Variants in EIF2B1 observed in about 807,000 individuals in gnomAD.
EIF2B1 encodes the protein eukaryotic translation initiation factor 2B subunit alpha, also known as translation initiation factor eIF2B subunit alpha.
Under a neutral mutation model 36.8 loss-of-function variants are expected in EIF2B1, and 30 were observed. That is an observed-to-expected ratio of 0.81 (90% CI 0.61 to 1.10). EIF2B1 has a LOEUF of 1.10. EIF2B1 is among the 50% of genes least tolerant of loss of function. The pLI is 0.00. For synonymous variants in EIF2B1, 139 were observed against 142.2 expected (o/e 0.98, Z 0.16); for missense variants, 271 against 374.8 (o/e 0.72, Z 2.29).
At chr12:123,621,956 AT>A (rs1955103894) in intron 8 of EIF2B1, 36 bp from the exon 9 acceptor site, 1 of 1,611,728 alleles carries the variant, frequency 6.2e-7, no homozygotes, top group African/African-American at 1.3e-5. Context: ...GGCACTGAAT[AT>A]TTAGTGCTCT....
Position 123,633,678 on chromosome 12 carries a change from T to A in EIF2B1, c.-121A>T. 1.3e-6 allele frequency: 2 copies of A among 1,515,622 alleles called. No individual in the cohort carries two copies. The highest frequency in any genetic ancestry group is 2.7e-5 in the African/African-American group (2 of 73,332). The allele number at this position is 1,515,622 out of a possible 1,614,324, so 93.9% of individuals were successfully genotyped here. A position where few individuals can be genotyped will look rare whatever the true frequency, so the allele number is the denominator to read the frequency against. On this transcript the variant is annotated 5_prime_UTR_variant, in exon 1 of 9. It adds an upstream start codon to the 5' untranslated region. Coordinates refer to ENST00000424014, the MANE Select transcript of EIF2B1 (RefSeq NM_001414.4). ...CGCGCTGCACACCTCCGCACCCCAC[T>A]TCCGGCGCACTTCCGTACCCCTCTT...
At chr12:123,624,361 T>C (rs539363937) in intron 7 of EIF2B1, among the ~76,000 whole-genome samples, 1 of 151,238 alleles carries the variant, frequency 6.6e-6, no homozygotes, top group Admixed American at 6.6e-5. Flanking sequence ...TGGGCTCACG[T>C]GATACTCCTG....
At chr12:123,628,345 T>A (rs111980330) in intron 4 of EIF2B1, among the ~76,000 whole-genome samples, 1,515 of 144,396 alleles carry the variant, frequency 0.01, 30 homozygotes, top group African/African-American at 0.036. Flanking sequence ...AGTAGGCCCA[T>A]AACCTCTTTT....
At chr12:123,623,615 G>C (rs534754524) in intron 7 of EIF2B1, among the ~76,000 whole-genome samples, 22 of 151,772 alleles carry the variant, frequency 1.4e-4, no homozygotes, top group African/African-American at 4.8e-4. Context: ...TGGGATTACA[G>C]GCACCCGCCA....
intron 8 of EIF2B1, 101 bp from the exon 9 acceptor site, chr12:123,622,021 C>G (rs763605940): frequency 4.0e-5 from 60 of 1,502,314 alleles, no homozygotes; most frequent in Non-Finnish European, 5.1e-5. Context: ...TGAGACTGCT[C>G]TCTGAAAATG....
intron 5 of EIF2B1, 112 bp from the exon 6 acceptor site, chr12:123,626,605 G>T (rs1300612511): frequency 1.7e-6 from 2 of 1,202,040 alleles, no homozygotes; most frequent in Admixed American, 1.9e-5. Flanking sequence ...TAATACTAAT[G>T]GGTTAAGGGG....
intron 7 of EIF2B1, 146 bp from the exon 8 acceptor site, chr12:123,622,907 T>G (rs1955116178): frequency 3.3e-6 from 4 of 1,198,668 alleles, no homozygotes; most frequent in Non-Finnish European, 4.8e-6. Flanking sequence ...CCCATGAGTT[T>G]GGGACCAGCC....
In EIF2B1 at chr12:123,630,130, C is replaced by T. The variant is rs781504897; in HGVS notation, c.369+39G>A. On this transcript the variant is annotated intron_variant, in intron 4 of 8. Transcript: ENST00000424014. This position sits in a 1 kb window ranked among gnomAD's most constrained non-coding sequence, Gnocchi z 4.6. ...TACCCCAGGCAGTCGGACTCGAAAC[C>T]GTTGCTCCTCCTTACCACCATGATG... is the stretch of plus-strand genomic sequence containing the variant. 1.1e-5 allele frequency: 18 copies of T among 1,587,376 alleles called. No homozygotes were observed. The highest frequency in any genetic ancestry group is 1.4e-5 in the Non-Finnish European group (16 of 1,156,994).
At chr12:123,622,247 C>T (rs1955107963) in intron 8 of EIF2B1, among the ~76,000 whole-genome samples, 1 of 152,212 alleles carries the variant, frequency 6.6e-6, no homozygotes, top group Non-Finnish European at 1.5e-5. Context: ...CTAAGATTAT[C>T]TTAGAATCCT....
At chr12:123,622,579 A>G in intron 8 of EIF2B1, 57 bp downstream of exon 8, 1 of 1,610,862 alleles carries the variant, frequency 6.2e-7, no homozygotes, top group East Asian at 2.2e-5. Flanking sequence ...TAGGACTACA[A>G]TTTCCAAAGG....
chr12:123,630,417 G>C lies in EIF2B1; in HGVS notation c.232C>G (p.Leu78Val). 1 of 1,614,158 alleles carries C rather than the reference G, an allele frequency of 6.2e-7. No homozygotes were observed. Among genetic ancestry groups the C allele is most frequent in the African/African-American group, 1.3e-5 (1 of 75,036 alleles). The change falls in exon 3 of 9, where the codon CTT (leucine) becomes GTT (valine). Residue 78 changes from leucine (L) to valine (V), a missense_variant. Coordinates refer to ENST00000424014, the MANE Select transcript of EIF2B1 (RefSeq NM_001414.4). This position sits in a 1 kb window ranked among gnomAD's most constrained non-coding sequence, Gnocchi z 4.6. The stretch of plus-strand genomic sequence containing the variant: ...CTTACGGAGTATTCCAGGGAGGCAA[G>C]ACTGATGAAGCGGAGGAAGAGCTCC... ...GGELFLRFIS[L>V]ASLEYSDYSK... is the part of the protein sequence containing the mutation.
At chr12:123,629,493 G>C (rs553685309) in intron 4 of EIF2B1, among the ~76,000 whole-genome samples, 10 of 152,168 alleles carry the variant, frequency 6.6e-5, no homozygotes, top group Middle Eastern at 3.4e-3. Flanking sequence ...GTAAAACACT[G>C]TATTAAATCA....
At chr12:123,622,838 C>T in intron 7 of EIF2B1, 77 bp from the exon 8 acceptor site, 1 of 1,599,888 alleles carries the variant, frequency 6.3e-7, no homozygotes, top group South Asian at 1.1e-5. Flanking sequence ...GGGCCGGGCA[C>T]AGTGGTGCAT....
In EIF2B1 at chr12:123,621,025, A is replaced by G. The variant is rs10846532; in HGVS notation, c.*731T>C. 0.074 allele frequency: 11,468 copies of G among 154,048 alleles called. 608 individuals carry two copies. Among genetic ancestry groups the G allele is most frequent in the African/African-American group, 0.14 (5,881 of 41,504 alleles). 9.5% of individuals were successfully genotyped at this position (154,048 alleles called of 1,614,324 possible). On this transcript the variant is annotated 3_prime_UTR_variant, in exon 9 of 9. Transcript: ENST00000424014. ...TGCAGTATTGATGCAACACCACATC[A>G]GCGTCTTTCATAGAGTTTATTTGAA...
chr12:123,629,359 AAATTTCCCTC>A (rs1230562891), intron 4 of EIF2B1, among the ~76,000 whole-genome samples: 7 of 152,232 alleles, frequency 4.6e-5, no homozygotes, highest in Non-Finnish European at 1.0e-4. Context: ...GTTAAAAAGA[AAATTTCCCTC>A]AATTTCCCTC....
At chr12:123,632,719 G>A (rs1325412772) in intron 1 of EIF2B1, among the ~76,000 whole-genome samples, 1 of 151,930 alleles carries the variant, frequency 6.6e-6, no homozygotes, top group Non-Finnish European at 1.5e-5. Context: ...GTCCGAGGCG[G>A]GCGGATCACG....
At chr12:123,631,803 T>C (rs1187742314) in intron 2 of EIF2B1, among the ~76,000 whole-genome samples, 1 of 120,138 alleles carries the variant, frequency 8.3e-6, no homozygotes, top group Non-Finnish European at 1.7e-5. Flanking sequence ...CGAGACTCCG[T>C]CTCAAAAAAA....
At chr12:123,626,824 C>A in intron 5 of EIF2B1, 1 of 698,024 alleles carries the variant, frequency 1.4e-6, no homozygotes, top group Non-Finnish European at 2.6e-6. Flanking sequence ...TCTGCTCTTC[C>A]ACGGAGTTAA....
At chr12:123,629,449 T>C (rs1955171842) in intron 4 of EIF2B1, among the ~76,000 whole-genome samples, 1 of 152,182 alleles carries the variant, frequency 6.6e-6, no homozygotes, top group Non-Finnish European at 1.5e-5. Flanking sequence ...TAATTCAGAT[T>C]TACTACACAT....
Sources: gnomAD v4.1 joint callset for allele counts (sites outside exome capture counted in the v4.1 genomes callset) on GRCh38, gnomAD v4.1.1 for gene constraint, Gnocchi (gnomAD v3.1) non-coding constraint, MANE v1.5 for transcripts, NCBI Gene and HGNC (gene_info 2026-07-23, HGNC 2026-07-21) for gene names.